DOK6: variants seen among roughly 807,000 people sequenced by gnomAD.
DOK6 encodes the protein docking protein 6.
In DOK6, 22 loss-of-function variants were observed where a neutral mutation model predicts 44.0. That is an observed-to-expected ratio of 0.50 (90% CI 0.36 to 0.71). DOK6 has a LOEUF of 0.71. Among genes scored for constraint, DOK6 ranks in the 30% least tolerant of loss-of-function variants. The pLI is 0.00. For synonymous variants in DOK6, 166 were observed against 145.5 expected, an observed-to-expected ratio of 1.14 and a Z score of -1.01; for missense variants, 340 against 416.4, an observed-to-expected ratio of 0.82 and a Z score of 1.60.
intron 3 of DOK6, among the ~76,000 whole-genome samples, chr18:69,623,631 C>T (rs1984493289): frequency 1.3e-5 from 2 of 152,108 alleles, no homozygotes; most frequent in Admixed American, 6.6e-5. Context: ...CTCTAAGACG[C>T]TGGGCAAACT....
chr18:69,683,847 A>T (rs1343393112), intron 4 of DOK6, among the ~76,000 whole-genome samples: 1 of 152,230 alleles, frequency 6.6e-6, no homozygotes, highest in Non-Finnish European at 1.5e-5. Flanking sequence ...GAGAAGTCCT[A>T]TAATAATCTG....
chr18:69,784,080 G>A (rs1345441003), intron 7 of DOK6, among the ~76,000 whole-genome samples: 4 of 152,056 alleles, frequency 2.6e-5, no homozygotes, highest in Non-Finnish European at 4.4e-5. Context: ...TCAGCTACTC[G>A]GGAAGCTGAG....
rs1371166999 is a variant in DOK6 at position 69,583,639 on chromosome 18, A to G, written c.175-15745A>G. 3.9e-5 allele frequency among the ~76,000 whole-genome samples: 6 copies of G among 152,154 alleles called. No individual in the cohort carries two copies. In the East Asian group the frequency reaches 1.2e-3, roughly 29 times the overall value. Reference sequence around the variant, plus strand: ...CACGGCAAAGATTTCATCATAGGCCAGGCATGGTGAAGCACCTCTGTAATC... The same window carrying G: ...CACGGCAAAGATTTCATCATAGGCCGGGCATGGTGAAGCACCTCTGTAATC... On this transcript the variant is annotated intron_variant, in intron 2 of 7. Coordinates refer to ENST00000382713, the MANE Select transcript of DOK6 (RefSeq NM_152721.6).
At chr18:69,568,185 T>G (rs112313049) in intron 2 of DOK6, among the ~76,000 whole-genome samples, 128 of 152,360 alleles carry the variant, frequency 8.4e-4, no homozygotes, top group Middle Eastern at 3.4e-3. Flanking sequence ...TTTCTTTCTC[T>G]GGGCATGCCA....
intron 1 of DOK6, among the ~76,000 whole-genome samples, chr18:69,562,519 C>CT (rs1352784191): frequency 6.6e-6 from 1 of 152,086 alleles, no homozygotes; most frequent in Non-Finnish European, 1.5e-5. Context: ...AATGCAGACT[C>CT]TTTTTACTTG....
At chr18:69,468,798 G>A (rs1050936348) in intron 1 of DOK6, among the ~76,000 whole-genome samples, 2 of 152,192 alleles carry the variant, frequency 1.3e-5, no homozygotes, top group Admixed American at 6.5e-5. Flanking sequence ...GCGGCTGCAT[G>A]CAAGATGGAC....
intron 1 of DOK6, among the ~76,000 whole-genome samples, chr18:69,548,115 G>A (rs111244524): frequency 1.3e-4 from 19 of 150,266 alleles, no homozygotes; most frequent in African/African-American, 4.4e-4. Context: ...TACCACACCC[G>A]GCTAATTTTT....
intron 7 of DOK6, among the ~76,000 whole-genome samples, chr18:69,759,671 C>T (rs1979478633): frequency 6.6e-6 from 1 of 152,154 alleles, no homozygotes; most frequent in Admixed American, 6.5e-5. Context: ...ACTGGAATAT[C>T]CTAAAACATT....
At position 69,741,220 on chromosome 18, in the gene DOK6, T is replaced by G. The variant is rs542798376; in HGVS notation, c.738+2117T>G. On this transcript the variant is annotated intron_variant, in intron 6 of 7. Coordinates refer to ENST00000382713, the MANE Select transcript of DOK6 (RefSeq NM_152721.6). ...CAAAATGTTTCTAGAAATTACAAAA[T>G]CAGAGACTCCATCACTTGGCCCATA... is the stretch of plus-strand genomic sequence containing the variant. Among the ~76,000 whole-genome samples, 4 of 152,312 alleles carry G rather than the reference T, an allele frequency of 2.6e-5. No homozygotes were observed. In the East Asian group the frequency reaches 7.7e-4, roughly 29 times the overall value.
At chr18:69,459,211 G>C (rs1424263986) in intron 1 of DOK6, among the ~76,000 whole-genome samples, 1 of 149,978 alleles carries the variant, frequency 6.7e-6, no homozygotes, top group South Asian at 2.1e-4. Context: ...GTGTGTGTGT[G>C]TGTGTGTGTG....
At position 69,848,747 on chromosome 18, in the gene DOK6, A is replaced by G. The variant is rs1982408087; in HGVS notation, c.*7364A>G. The G allele has an allele frequency of 6.6e-6, 1 of 152,208 alleles. No homozygotes were observed. Among genetic ancestry groups the G allele is most frequent in the South Asian group, 2.1e-4 (1 of 4,830 alleles). The allele number at this position is 152,208 out of a possible 1,614,324, so 9.4% of individuals were successfully genotyped here. ...AATGTCTTATTCATAATTCTAAAAA[A>G]TTTACAAATGATATTGCTATGAGGT... On this transcript the variant is annotated 3_prime_UTR_variant, in exon 8 of 8. Coordinates refer to ENST00000382713, the MANE Select transcript of DOK6 (RefSeq NM_152721.6).
At chr18:69,827,899 CA>C (rs1016948007) in intron 7 of DOK6, among the ~76,000 whole-genome samples, 20 of 151,878 alleles carry the variant, frequency 1.3e-4, no homozygotes, top group African/African-American at 4.3e-4. Context: ...AGAAATGTAG[CA>C]AAATTTTCAA....
At chr18:69,420,672 A>G (rs356006) in intron 1 of DOK6, among the ~76,000 whole-genome samples, 150,819 of 152,030 alleles carry the variant, frequency 0.99, 74,821 homozygotes, top group Middle Eastern at 1. Context: ...TAAGGAAGCT[A>G]AGATAACACA....
intron 1 of DOK6, among the ~76,000 whole-genome samples, chr18:69,546,220 T>C (rs1200593992): frequency 6.8e-6 from 1 of 146,706 alleles, no homozygotes; most frequent in Admixed American, 6.8e-5. Context: ...GAGGTTGCGG[T>C]GACCCGAGAT....
At chr18:69,495,448 C>G (rs1024875550) in intron 1 of DOK6, among the ~76,000 whole-genome samples, 2 of 152,170 alleles carry the variant, frequency 1.3e-5, no homozygotes, top group Admixed American at 1.3e-4. Context: ...GACAGAATAC[C>G]TCAGAGGAGG....
intron 4 of DOK6, among the ~76,000 whole-genome samples, chr18:69,690,943 G>A (rs1986250762): frequency 1.3e-5 from 2 of 152,114 alleles, no homozygotes; most frequent in Admixed American, 6.5e-5. Flanking sequence ...CACTTTGGGA[G>A]GCCGAGACAG....
At chr18:69,641,292 A>G (rs574616395) in intron 3 of DOK6, among the ~76,000 whole-genome samples, 50 of 152,306 alleles carry the variant, frequency 3.3e-4, no homozygotes, top group African/African-American at 1.1e-3. Context: ...TCCACAAAAA[A>G]CTTCCACTTA....
chr18:69,754,108 T>C (rs1979275764), intron 6 of DOK6, among the ~76,000 whole-genome samples: 1 of 152,176 alleles, frequency 6.6e-6, no homozygotes, highest in African/African-American at 2.4e-5. Context: ...AAGTTTTGTT[T>C]TTTCTTAATG....
At chr18:69,743,847 G>A (rs71370314) in intron 6 of DOK6, among the ~76,000 whole-genome samples, 7,056 of 151,304 alleles carry the variant, frequency 0.047, 164 homozygotes, top group Non-Finnish European at 0.052. Context: ...CAGCATTTAG[G>A]ATGCTCCTGT....
Sources: gnomAD v4.1 joint callset for allele counts (sites outside exome capture counted in the v4.1 genomes callset) on GRCh38, gnomAD v4.1.1 for gene constraint, MANE v1.5 for transcripts, NCBI Gene and HGNC (gene_info 2026-07-23, HGNC 2026-07-21) for gene names.